LRRK2: variants seen among roughly 807,000 people sequenced by gnomAD.
LRRK2 encodes leucine rich repeat kinase 2.
LRRK2 carries 203 observed loss-of-function variants against 302.6 expected under a neutral mutation model. The observed-to-expected ratio is 0.67, with a 90% CI of 0.60 to 0.75. The LOEUF (loss-of-function observed/expected upper bound fraction) is 0.75, where lower values mean the gene tolerates loss of function less well. Ranked by LOEUF, LRRK2 falls within the 30% of genes least tolerant of loss-of-function variation. The pLI, the probability that LRRK2 is intolerant of heterozygous loss-of-function variation, is 0.00. For missense variants in LRRK2, 2,830 were observed against 2,951.0 expected (o/e 0.96, Z 0.95); for synonymous variants, 1,066 against 1,031.9 (o/e 1.03, Z -0.63).
chr12:40,257,216 A>G (rs41286456), intron 11 of LRRK2, 32 bp from the exon 12 acceptor site: 62 of 1,436,460 alleles, frequency 4.3e-5, no homozygotes, highest in Admixed American at 1.7e-5. Context: ...ATATGCTTTC[A>G]TATCTATAAG....
At chr12:40,308,825 A>C (rs1944926479) in intron 29 of LRRK2, 129 bp downstream of exon 29, 2 of 947,598 alleles carry the variant, frequency 2.1e-6, no homozygotes, top group Non-Finnish European at 3.2e-6. Context: ...AAAGCCCTTC[A>C]TTTCTCCTAA....
At position 40,365,023 on chromosome 12, in the gene LRRK2, G is replaced by T; in HGVS notation, c.7363G>T (p.Val2455Phe). 2.5e-6 allele frequency: 4 copies of T among 1,612,348 alleles called. No individual in the cohort carries two copies. The highest frequency in any genetic ancestry group is 3.4e-6 in the Non-Finnish European group (4 of 1,178,894). Residue 2455 changes from valine to phenylalanine, a missense_variant, in exon 49 of 51, where the codon GTC becomes TTC. Val to Phe is a conservative substitution (Grantham distance 50). Transcript: ENST00000298910. ...IRVIYNFCNS[V>F]RVMMTAQLGS... is the part of the protein sequence containing the mutation. ...TGTAATTTACAACTTTTGTAATTCG[G>T]TCAGAGTCATGATGACAGCACAGCT...
At chr12:40,246,795 A>G (rs1311594767) in intron 7 of LRRK2, among the ~76,000 whole-genome samples, 2 of 152,134 alleles carry the variant, frequency 1.3e-5, no homozygotes, top group Admixed American at 1.3e-4. Context: ...GGTTTGTTGA[A>G]TGCAGCGCCA....
At chr12:40,326,255 G>C (rs1446896444) in intron 38 of LRRK2, among the ~76,000 whole-genome samples, 1 of 152,036 alleles carries the variant, frequency 6.6e-6, no homozygotes, top group Admixed American at 6.5e-5. Flanking sequence ...ATGAGGTCAG[G>C]AGATCGAGAC....
At chr12:40,299,635 T>G (rs1944546800) in intron 25 of LRRK2, among the ~76,000 whole-genome samples, 1 of 152,064 alleles carries the variant, frequency 6.6e-6, no homozygotes, top group African/African-American at 2.4e-5. Context: ...AGTGAAACTG[T>G]TTTGTATACT....
intron 16 of LRRK2, among the ~76,000 whole-genome samples, chr12:40,276,806 AT>A (rs1565703915): frequency 3.9e-5 from 6 of 152,126 alleles, no homozygotes; most frequent in African/African-American, 1.4e-4. Flanking sequence ...GTTCGAAGTA[AT>A]AATTTTAATA....
intron 44 of LRRK2, 139 bp from the exon 45 acceptor site, chr12:40,354,156 TTAAA>T (rs1278868311): frequency 5.8e-6 from 4 of 687,752 alleles, no homozygotes; most frequent in Admixed American, 2.9e-5. Flanking sequence ...TTGCTGAAAA[TTAAA>T]TAAAATTGGC....
In LRRK2 at chr12:40,346,739, C is replaced by T. The variant is rs1254410314; in HGVS notation, c.6110-14C>T. ...ATGTTGGTCATATTTATTATTTTAT[C>T]TGCTTACTTTCAGGGTTTCGTGCAC... On this transcript the variant is annotated splice_polypyrimidine_tract_variant and intron_variant, in intron 41 of 50. Coordinates refer to ENST00000298910, the MANE Select transcript of LRRK2 (RefSeq NM_198578.4). The T allele has an allele frequency of 6.2e-7, 1 of 1,612,828 alleles. No homozygotes were observed. The highest frequency in any genetic ancestry group is 1.1e-5 in the South Asian group (1 of 90,938).
At chr12:40,362,854 G>A (rs1024819361) in intron 47 of LRRK2, among the ~76,000 whole-genome samples, 1 of 152,000 alleles carries the variant, frequency 6.6e-6, no homozygotes, top group Non-Finnish European at 1.5e-5. Flanking sequence ...TTTACTTTCT[G>A]TTTATGTTTG....
chr12:40,295,034 T>C, intron 22 of LRRK2, 120 bp downstream of exon 22: 1 of 660,800 alleles, frequency 1.5e-6, no homozygotes, highest in East Asian at 2.7e-5. Context: ...ATAATCTTCA[T>C]ATATATTTAC....
intron 13 of LRRK2, among the ~76,000 whole-genome samples, chr12:40,260,350 G>T (rs760829792): frequency 1.3e-5 from 2 of 151,830 alleles, no homozygotes; most frequent in South Asian, 2.1e-4. Flanking sequence ...ATCGATGGAG[G>T]CACAAATAAT....
chr12:40,356,157 G>T lies in LRRK2; in HGVS notation c.6813G>T (p.Lys2271Asn). 9.3e-6 allele frequency: 15 copies of T among 1,612,334 alleles called. No homozygotes were observed. Among genetic ancestry groups the T allele is most frequent in the Non-Finnish European group, 1.3e-5 (15 of 1,179,228 alleles). ...TTTTGGTTGGAACCGCTGATGGCAA[G>T]TTAGCAATTTTTGAAGATAAGACTG... ...NFLLVGTADG[K>N]LAIFEDKTVK... Residue 2271 changes from lysine to asparagine, a missense_variant, in exon 46 of 51, where the codon AAG becomes AAT. By Grantham distance (94) the Lys-to-Asn change is moderately conservative. This residue lies in a region of LRRK2 where 456 missense variants were observed against 456.3 expected (regional missense o/e 1.00). Transcript: ENST00000298910.
intron 11 of LRRK2, among the ~76,000 whole-genome samples, chr12:40,255,250 A>G (rs1942449218): frequency 6.6e-6 from 1 of 152,192 alleles, no homozygotes; most frequent in Non-Finnish European, 1.5e-5. Context: ...TGAAGCAAGG[A>G]AGGAGAATAT....
intron 18 of LRRK2, among the ~76,000 whole-genome samples, chr12:40,283,419 TAATA>T (rs1252988254): frequency 1.3e-5 from 2 of 152,334 alleles, no homozygotes; most frequent in South Asian, 2.1e-4. Context: ...TGTGTGGCAT[TAATA>T]AATTTTACAA....
chr12:40,252,800 A>G (rs1942332615), intron 10 of LRRK2, 110 bp from the exon 11 acceptor site: 1 of 737,560 alleles, frequency 1.4e-6, no homozygotes, highest in Non-Finnish European at 2.4e-6. Context: ...GGCATGAAAT[A>G]TTGTTTATAT....
chr12:40,343,534 A>C (rs1031303177), intron 41 of LRRK2, among the ~76,000 whole-genome samples: 3 of 152,230 alleles, frequency 2.0e-5, no homozygotes, highest in African/African-American at 7.2e-5. Context: ...TCAGTACACA[A>C]TGTGATATGT....
At chr12:40,287,214 T>C (rs1943961358) in intron 19 of LRRK2, 137 bp from the exon 20 acceptor site, 1 of 726,530 alleles carries the variant, frequency 1.4e-6, no homozygotes, top group Admixed American at 2.3e-5. Context: ...TCAGGATCAC[T>C]AGTGTAAGGT....
intron 40 of LRRK2, among the ~76,000 whole-genome samples, chr12:40,337,807 C>T (rs1357701867): frequency 2.0e-5 from 3 of 152,166 alleles, no homozygotes; most frequent in East Asian, 3.9e-4. Flanking sequence ...CCTTTGCGGC[C>T]CCTGCCACCC....
rs750727045 is a variant in LRRK2, at chr12:40,299,242, A to G, written c.3481A>G (p.Arg1161Gly). ...ACPKVESFSA[R>G]MNFLAAMPFL... The stretch of plus-strand genomic sequence containing the variant: ...TCCTAAAGTGGAGAGTTTCAGTGCC[A>G]GAATGAATTTTCTTGGTAAGTGTTC... The change falls in exon 25 of 51, where the codon AGA becomes GGA. Residue 1161 changes from arginine (R) to glycine (G), a missense_variant. By Grantham distance (125) the Arg-to-Gly change is moderately radical. Transcript: ENST00000298910. 20 of 1,613,334 alleles carry G rather than the reference A, an allele frequency of 1.2e-5. No homozygotes were observed. In the East Asian group the frequency reaches 4.5e-4, roughly 36 times the overall value.
Sources: gnomAD v4.1 joint callset for allele counts (sites outside exome capture counted in the v4.1 genomes callset) on GRCh38, gnomAD v4.1.1 for gene constraint, gnomAD v4.1.1 regional missense constraint, MANE v1.5 for transcripts, NCBI Gene and HGNC (gene_info 2026-07-23, HGNC 2026-07-21) for gene names.